Variants in ADAMTS6 observed in about 807,000 individuals in gnomAD.
The protein encoded by ADAMTS6 is A disintegrin and metalloproteinase with thrombospondin motifs 6.
A neutral mutation model predicts 144.3 loss-of-function variants in ADAMTS6; 23 were observed. The observed-to-expected ratio is 0.16, with a 90% CI of 0.11 to 0.23. The LOEUF (loss-of-function observed/expected upper bound fraction) is 0.23. Among genes scored for constraint, ADAMTS6 ranks in the 10% least tolerant of loss-of-function variants. The probability of loss-of-function intolerance (pLI) is 1.00; values close to 1 mark genes in which losing one functional copy is unlikely to be tolerated. For missense variants in ADAMTS6, 999 were observed against 1,379.6 expected, an observed-to-expected ratio of 0.72 and a Z score of 4.37; for synonymous variants, 444 against 457.5, an observed-to-expected ratio of 0.97 and a Z score of 0.38.
Position 65,197,170 on chromosome 5 carries a change from T to C in ADAMTS6, c.2576-19A>G, listed in dbSNP as rs748713796. The C allele has an allele frequency of 3.7e-6, 6 of 1,611,858 alleles. No homozygotes were observed. Among genetic ancestry groups the C allele is most frequent in the Non-Finnish European group, 4.2e-6 (5 of 1,179,078 alleles). ...TGGACACCTTGAGAAAAGGAGGACATCATTAATTGAAGAGAAGTTTACCTT... is the reference window on the plus strand; with the variant it reads ...TGGACACCTTGAGAAAAGGAGGACACCATTAATTGAAGAGAAGTTTACCTT... On this transcript the variant is annotated intron_variant, in intron 20 of 24. Coordinates refer to ENST00000381055, the MANE Select transcript of ADAMTS6 (RefSeq NM_197941.4).
chr5:65,346,227 T>C (rs1181718199), intron 7 of ADAMTS6, among the ~76,000 whole-genome samples: 4 of 151,850 alleles, frequency 2.6e-5, no homozygotes, highest in Non-Finnish European at 5.9e-5. Flanking sequence ...TTGATATAGA[T>C]GCAAAATTCC....
chr5:65,433,767 C>CAA (rs1757176754), intron 7 of ADAMTS6, among the ~76,000 whole-genome samples: 1 of 152,130 alleles, frequency 6.6e-6, no homozygotes, highest in Admixed American at 6.6e-5. Context: ...GGCCATGACA[C>CAA]AGAGAGATTG....
At chr5:65,280,544 C>T (rs140185686) in intron 11 of ADAMTS6, among the ~76,000 whole-genome samples, 5 of 151,926 alleles carry the variant, frequency 3.3e-5, no homozygotes, top group Non-Finnish European at 5.9e-5. Context: ...AAAGCTTGCC[C>T]GATAGCTTCA....
At chr5:65,222,311 T>C (rs1757379124) in intron 18 of ADAMTS6, among the ~76,000 whole-genome samples, 1 of 152,168 alleles carries the variant, frequency 6.6e-6, no homozygotes, top group African/African-American at 2.4e-5. Flanking sequence ...CTCATCCATG[T>C]ATGCTTAATT....
intron 14 of ADAMTS6, 24 bp downstream of exon 14, chr5:65,260,576 A>C (rs1761096503): frequency 4.4e-6 from 7 of 1,607,576 alleles, no homozygotes; most frequent in Non-Finnish European, 6.0e-6. Context: ...CTAATTTTTC[A>C]TAACAGAGTT....
At position 65,357,341 on chromosome 5, in the gene ADAMTS6, C is replaced by A. The variant is rs367740787; in HGVS notation, c.1074-23256G>T. Among the ~76,000 whole-genome samples the A allele has an allele frequency of 2.9e-3, 433 of 151,182 alleles. 4 individuals carry two copies. The highest frequency in any genetic ancestry group is 1.0e-2 in the African/African-American group (412 of 41,258). ...GATGTAATGTGAAAACACAACATAC[C>A]AAAACTTATGGGATGCACACTCTTA... On this transcript the variant is annotated intron_variant, in intron 7 of 24. Transcript: ENST00000381055.
chr5:65,344,673 T>C (rs886924599), intron 7 of ADAMTS6, among the ~76,000 whole-genome samples: 14 of 151,970 alleles, frequency 9.2e-5, no homozygotes, highest in Admixed American at 8.5e-4. Flanking sequence ...GAGTGAAACA[T>C]ATTTAAGGAT....
At position 65,376,139 on chromosome 5, in the gene ADAMTS6, A is replaced by G. The variant is rs1219633521; in HGVS notation, c.1074-42054T>C. 2.0e-5 allele frequency among the ~76,000 whole-genome samples: 3 copies of G among 152,158 alleles called. No individual in the cohort carries two copies. In the East Asian group the frequency reaches 5.8e-4, roughly 29 times the overall value. On this transcript the variant is annotated intron_variant, in intron 7 of 24. Coordinates refer to ENST00000381055, the MANE Select transcript of ADAMTS6 (RefSeq NM_197941.4). ...GGTGGGGGCAGGGGGGAGGGATAGC[A>G]TTGGGAGATGTACCTAATGCTAGAT...
chr5:65,266,707 T>A (rs1259727587), intron 12 of ADAMTS6, among the ~76,000 whole-genome samples: 3 of 151,992 alleles, frequency 2.0e-5, no homozygotes, highest in Non-Finnish European at 4.4e-5. Context: ...TTAAAATAGT[T>A]CAACGCATAC....
intron 9 of ADAMTS6, among the ~76,000 whole-genome samples, chr5:65,317,377 A>C (rs931958179): frequency 6.6e-6 from 1 of 152,236 alleles, no homozygotes; most frequent in South Asian, 2.1e-4. Context: ...GATACACCCT[A>C]TCTCTCACCA....
intron 9 of ADAMTS6, among the ~76,000 whole-genome samples, chr5:65,303,193 T>C (rs575575632): frequency 1.3e-5 from 2 of 152,108 alleles, no homozygotes; most frequent in South Asian, 4.1e-4. Flanking sequence ...TTAAAACTAT[T>C]CTTTGATGAT....
At chr5:65,430,172 A>AG (rs1444364924) in intron 7 of ADAMTS6, among the ~76,000 whole-genome samples, 1 of 151,776 alleles carries the variant, frequency 6.6e-6, no homozygotes, top group Non-Finnish European at 1.5e-5. Flanking sequence ...GTTAAAAAAA[A>AG]AAAAAGACGG....
Position 65,452,891 on chromosome 5 carries a change from C to A in ADAMTS6, c.659G>T (p.Trp220Leu). The change falls in exon 5 of 25, where the codon TGG becomes TTG. Residue 220 changes from tryptophan to leucine, a missense_variant. Trp to Leu is a moderately conservative substitution (Grantham distance 61). This residue lies in a region of ADAMTS6 where 252 missense variants were observed against 293.7 expected (regional missense o/e 0.86). Coordinates refer to ENST00000381055, the MANE Select transcript of ADAMTS6 (RefSeq NM_197941.4). Reference sequence around the variant, plus strand: ...AGAAACAGTGGATGTGTCATTCAGCCACCAAGGTTTGCCACTTCTTGTGAA... The same window carrying A: ...AGAAACAGTGGATGTGTCATTCAGCAACCAAGGTTTGCCACTTCTTGTGAA... ...SDFTRSGKPW[W>L]LNDTSTVSYS... 6.2e-7 allele frequency: 1 copy of A among 1,613,620 alleles called. No homozygotes were observed. Among genetic ancestry groups the A allele is most frequent in the Non-Finnish European group, 8.5e-7 (1 of 1,179,718 alleles).
rs1755361011 is a variant in ADAMTS6, at chr5:65,196,393, G to A, written c.2705+629C>T. On this transcript the variant is annotated intron_variant, in intron 21 of 24. Transcript: ENST00000381055. ...AAAAATTTAGCCGGGTGTGGTGGTGGGCGCCTGTAGTCCCAGGTACTTGGG... is the reference window on the plus strand; with the variant it reads ...AAAAATTTAGCCGGGTGTGGTGGTGAGCGCCTGTAGTCCCAGGTACTTGGG... Among the ~76,000 whole-genome samples, 5 of 151,638 alleles carry A rather than the reference G, an allele frequency of 3.3e-5. No individual in the cohort carries two copies. The South Asian group carries it at 6.3e-4, about 19-fold the overall frequency.
At chr5:65,379,883 C>A (rs1474885431) in intron 7 of ADAMTS6, among the ~76,000 whole-genome samples, 1 of 151,876 alleles carries the variant, frequency 6.6e-6, no homozygotes, top group South Asian at 2.1e-4. Flanking sequence ...TTGATACATA[C>A]ATTTGCCTTT....
chr5:65,227,984 T>A (rs2112413959), intron 15 of ADAMTS6, among the ~76,000 whole-genome samples: 1 of 152,290 alleles, frequency 6.6e-6, no homozygotes, highest in Admixed American at 6.5e-5. Flanking sequence ...CTATCTAACT[T>A]ATAATGTGAT....
intron 22 of ADAMTS6, 123 bp from the exon 23 acceptor site, chr5:65,173,131 G>A (rs1753737923): frequency 1.1e-6 from 1 of 926,840 alleles, no homozygotes; most frequent in Non-Finnish European, 1.6e-6. Context: ...TAAGTTCTAG[G>A]CAAAGTCTCT....
chr5:65,351,854 A>G (rs375235163), intron 7 of ADAMTS6, among the ~76,000 whole-genome samples: 1 of 152,188 alleles, frequency 6.6e-6, no homozygotes, highest in African/African-American at 2.4e-5. Context: ...AACAACAACA[A>G]AATTAAACTG....
intron 7 of ADAMTS6, among the ~76,000 whole-genome samples, chr5:65,436,685 A>AAAAAACC (rs1208835282): frequency 7.6e-6 from 1 of 131,648 alleles, no homozygotes; most frequent in Non-Finnish European, 1.7e-5. Flanking sequence ...AAATATTTAA[A>AAAAAACC]AAAAACCAAA....
Sources: gnomAD v4.1 joint callset for allele counts (sites outside exome capture counted in the v4.1 genomes callset) on GRCh38, gnomAD v4.1.1 for gene constraint, gnomAD v4.1.1 regional missense constraint, MANE v1.5 for transcripts, NCBI Gene and HGNC (gene_info 2026-07-23, HGNC 2026-07-21) for gene names.